The following FSTL4 variants were observed in gnomAD, a reference collection of about 807,000 sequenced individuals.
FSTL4 encodes follistatin like 4.
A neutral mutation model predicts 78.2 loss-of-function variants in FSTL4; 28 were observed. The observed-to-expected ratio is 0.36, with a 90% confidence interval of 0.27 to 0.49. The LOEUF is 0.49. Among genes scored for constraint, FSTL4 ranks in the 20% least tolerant of loss-of-function variants. The probability of loss-of-function intolerance (pLI) is 0.98; values close to 1 mark genes in which losing one functional copy is unlikely to be tolerated. For missense variants in FSTL4, 922 were observed against 1,084.9 expected (o/e 0.85, Z 2.11); for synonymous variants, 422 against 440.5 (o/e 0.96, Z 0.53).
At chr5:133,653,450 A>G in the FSTL4 span, among the ~76,000 whole-genome samples, 2 of 152,132 alleles carry the variant, frequency 1.3e-5, no homozygotes, top group African/African-American at 2.4e-5. Context: ...AGCTCTGGGT[A>G]TCTCCCTCGG....
chr5:133,215,021 C>T (rs906493559), intron 13 of FSTL4, among the ~76,000 whole-genome samples: 6 of 152,186 alleles, frequency 3.9e-5, no homozygotes, highest in African/African-American at 1.2e-4. Context: ...TCCACTCCAG[C>T]AGGCTTGCAT....
chr5:133,317,012 C>T (rs1753922045), intron 4 of FSTL4, among the ~76,000 whole-genome samples: 1 of 152,124 alleles, frequency 6.6e-6, no homozygotes, highest in Admixed American at 6.5e-5. Context: ...AGGAAAGCTA[C>T]CCCCAATTCC....
At chr5:133,422,242 G>A (rs182323136) in intron 3 of FSTL4, among the ~76,000 whole-genome samples, 1 of 152,306 alleles carries the variant, frequency 6.6e-6, no homozygotes, top group African/African-American at 2.4e-5. Context: ...GTAGTAACAA[G>A]CCACTGGTGG....
chr5:133,583,235 C>G (rs1228937272), intron 2 of FSTL4: 1 of 455,844 alleles, frequency 2.2e-6, no homozygotes, highest in African/African-American at 2.0e-5. Context: ...TCACAGTAAC[C>G]AACTTGGCTG....
rs1756810805 is a variant in FSTL4 at position 133,426,196 on chromosome 5, G to A, written c.161-25210C>T. Among the ~76,000 whole-genome samples, 1 of 152,230 alleles carries A rather than the reference G, an allele frequency of 6.6e-6. No individual in the cohort carries two copies. The highest frequency in any genetic ancestry group is 2.4e-5 in the African/African-American group (1 of 41,464). On this transcript the variant is annotated intron_variant, in intron 3 of 15. Coordinates refer to ENST00000265342, the MANE Select transcript of FSTL4 (RefSeq NM_015082.2). The surrounding 1 kb of genome is among the most constrained non-coding windows in gnomAD (Gnocchi z 5.0). Reference sequence around the variant, plus strand: ...TAGGAATTTTTAAAGCACAGAGTGTGCTAGCAGAAGACAGAGTGTTGTCCT... The same window carrying A: ...TAGGAATTTTTAAAGCACAGAGTGTACTAGCAGAAGACAGAGTGTTGTCCT...
At chr5:133,270,310 A>AT (rs1752738797) in intron 6 of FSTL4, 1 of 152,250 alleles carries the variant, frequency 6.6e-6, no homozygotes, top group Non-Finnish European at 1.5e-5. Context: ...GAAATGTCAT[A>AT]TAAAAAAGCC....
the FSTL4 span, among the ~76,000 whole-genome samples, chr5:133,835,009 C>T: frequency 6.6e-6 from 1 of 152,020 alleles, no homozygotes; most frequent in Admixed American, 6.6e-5. Flanking sequence ...GGAAGCAAAA[C>T]TCTTTAAAAA....
intron 13 of FSTL4, among the ~76,000 whole-genome samples, chr5:133,212,721 A>AT (rs774676176): frequency 1.2e-4 from 18 of 152,192 alleles, no homozygotes; most frequent in African/African-American, 3.1e-4. Flanking sequence ...AGTGGCTGAC[A>AT]TTTTTTTTCA....
intron 7 of FSTL4, among the ~76,000 whole-genome samples, chr5:133,237,358 C>T (rs1751693167): frequency 1.3e-5 from 2 of 152,188 alleles, no homozygotes; most frequent in African/African-American, 4.8e-5. Flanking sequence ...GTGCCTCCAA[C>T]ACAGTCATTT....
chr5:133,210,012 TC>T (rs1750651258), intron 14 of FSTL4, 178 bp downstream of exon 14: 1 of 528,210 alleles, frequency 1.9e-6, no homozygotes, highest in South Asian at 2.7e-5. Context: ...ATTGCTGTCA[TC>T]AATTGCCTGT....
At chr5:133,209,278 G>C (rs906704328) in intron 14 of FSTL4, among the ~76,000 whole-genome samples, 3 of 152,152 alleles carry the variant, frequency 2.0e-5, no homozygotes, top group Non-Finnish European at 4.4e-5. Context: ...TAGGTGGTCA[G>C]TCCCTAGAAG....
At chr5:133,572,946 T>C (rs1283725424) in intron 2 of FSTL4, among the ~76,000 whole-genome samples, 1 of 152,152 alleles carries the variant, frequency 6.6e-6, no homozygotes, top group African/African-American at 2.4e-5. Flanking sequence ...AATAATCCCA[T>C]TAAAACACAA....
At chr5:133,539,633 C>G (rs115194076) in intron 3 of FSTL4, among the ~76,000 whole-genome samples, 18 of 152,214 alleles carry the variant, frequency 1.2e-4, no homozygotes, top group Admixed American at 2.6e-4. Flanking sequence ...GGGCTCCGGT[C>G]GACTCCAGGA....
chr5:133,284,645 T>C (rs535140021), intron 6 of FSTL4, among the ~76,000 whole-genome samples: 4 of 152,356 alleles, frequency 2.6e-5, no homozygotes, highest in African/African-American at 4.8e-5. Context: ...ACTCGCTCTT[T>C]TTCTTAAGTC....
intron 3 of FSTL4, among the ~76,000 whole-genome samples, chr5:133,445,011 T>A (rs1162996942): frequency 1.3e-5 from 2 of 152,206 alleles, no homozygotes; most frequent in Admixed American, 1.3e-4. Flanking sequence ...TGGGCGCAGA[T>A]GGAAACACAC....
chr5:133,582,724 A>T lies in FSTL4; in HGVS notation c.127-15505T>A, dbSNP rs1214597643. ...AGGCTCTTACCCATGACTTTCTCTC[A>T]GCCTTTGGGGCTGCCCATTGGCTCA... On this transcript the variant is annotated intron_variant, in intron 2 of 15. Transcript: ENST00000265342. Among the ~76,000 whole-genome samples, 4 of 152,112 alleles carry T rather than the reference A, an allele frequency of 2.6e-5. No homozygotes were observed. The East Asian group carries it at 7.7e-4, about 29-fold the overall frequency.
chr5:133,462,357 T>G (rs946156616), intron 3 of FSTL4, among the ~76,000 whole-genome samples: 4 of 152,242 alleles, frequency 2.6e-5, no homozygotes, highest in African/African-American at 9.6e-5. Flanking sequence ...TGCCAAGCTC[T>G]GTGTCCCTTT....
Position 133,481,003 on chromosome 5 carries a change from CGAGTAACCCGCTGGGTTCCA to C in FSTL4, c.161-80037_161-80018del, listed in dbSNP as rs200177228. On this transcript the variant is annotated intron_variant, in intron 3 of 15. Transcript: ENST00000265342. ...GCCAGCCCATGACATAGCAGCGGTC[CGAGTAACCCGCTGGGTTCCA>C]GTGGAACCCAGGCTGGAAGGGACCG... Among the ~76,000 whole-genome samples the C allele has an allele frequency of 1.3e-3, 192 of 152,270 alleles. 1 individual carries two copies. Among genetic ancestry groups the C allele is most frequent in the East Asian group, 9.1e-3 (47 of 5,162 alleles).
intron 4 of FSTL4, among the ~76,000 whole-genome samples, chr5:133,394,825 G>A (rs1250195696): frequency 6.6e-6 from 1 of 152,256 alleles, no homozygotes; most frequent in African/African-American, 2.4e-5. Context: ...GAGTCTAGTA[G>A]GGACTTGGAG....
Sources: gnomAD v4.1 joint callset for allele counts (sites outside exome capture counted in the v4.1 genomes callset) on GRCh38, gnomAD v4.1.1 for gene constraint, Gnocchi (gnomAD v3.1) non-coding constraint, MANE v1.5 for transcripts, NCBI Gene and HGNC (gene_info 2026-07-23, HGNC 2026-07-21) for gene names.